The following MRE11 variants were observed in gnomAD, a reference collection of about 807,000 sequenced individuals.
The protein encoded by MRE11 is double-strand break repair protein MRE11.
MRE11 carries 62 observed loss-of-function variants against 91.7 expected under a neutral mutation model. The observed-to-expected ratio is 0.68, with a 90% CI of 0.55 to 0.84. The LOEUF (loss-of-function observed/expected upper bound fraction) is 0.84, where lower values mean the gene tolerates loss of function less well. MRE11 is among the 40% of genes least tolerant of loss of function. The probability of loss-of-function intolerance (pLI) is 0.00; values close to 1 mark genes in which losing one functional copy is unlikely to be tolerated. For synonymous variants in MRE11, 273 were observed against 271.4 expected, an observed-to-expected ratio of 1.01 and a Z score of -0.06; for missense variants, 796 against 852.9, an observed-to-expected ratio of 0.93 and a Z score of 0.83.
chr11:94,476,999 C>T (rs1050144732), intron 6 of MRE11, among the ~76,000 whole-genome samples: 1 of 152,158 alleles, frequency 6.6e-6, no homozygotes, highest in Non-Finnish European at 1.5e-5. Flanking sequence ...AAATTACAGG[C>T]GTGTGCCAGC....
Position 94,467,891 on chromosome 11 carries a change from A to G in MRE11, c.1020T>C (p.Ile340=). The G allele has an allele frequency of 6.2e-7, 1 of 1,613,260 alleles. No individual in the cohort carries two copies. Among genetic ancestry groups the G allele is most frequent in the Non-Finnish European group, 8.5e-7 (1 of 1,179,512 alleles). ...QAIQSFCLEK[I]EEMLENAERE... ...GTTCAGCATTTTCAAGCATTTCTTC[A>G]ATCTCAAAATTTTTAAAAAGATTAA... The change falls in exon 10 of 20, where the codon ATT becomes ATC. Residue 340 remains isoleucine, a splice_region_variant and synonymous_variant. Coordinates refer to ENST00000323929, the MANE Select transcript of MRE11 (RefSeq NM_005591.4).
At chr11:94,474,122 G>A (rs775764741) in intron 7 of MRE11, among the ~76,000 whole-genome samples, 6 of 152,096 alleles carry the variant, frequency 3.9e-5, no homozygotes, top group East Asian at 1.9e-4. Context: ...CACCTAGTAC[G>A]CATTTGTGGA....
At chr11:94,474,446 A>G (rs1946800681) in intron 7 of MRE11, among the ~76,000 whole-genome samples, 1 of 140,148 alleles carries the variant, frequency 7.1e-6, no homozygotes, top group African/African-American at 2.5e-5. Flanking sequence ...TAATGACATA[A>G]ATAAGTAAGT....
chr11:94,474,189 T>C (rs549865458), intron 7 of MRE11, among the ~76,000 whole-genome samples: 1 of 152,262 alleles, frequency 6.6e-6, no homozygotes, highest in East Asian at 1.9e-4. Flanking sequence ...AAATGGTTGA[T>C]TCCAGGGCTA....
intron 12 of MRE11, 142 bp from the exon 13 acceptor site, chr11:94,459,723 C>A (rs1166674453): frequency 1.1e-6 from 1 of 914,636 alleles, no homozygotes; most frequent in Non-Finnish European, 1.6e-6. Flanking sequence ...ATATCAGGAA[C>A]CAGAAAAAGC....
chr11:94,448,933 C>T (rs1946021277), intron 14 of MRE11, among the ~76,000 whole-genome samples: 1 of 152,106 alleles, frequency 6.6e-6, no homozygotes, highest in African/African-American at 2.4e-5. Flanking sequence ...AACACACAAA[C>T]TATAAAGAAG....
At chr11:94,420,245 T>G in intron 19 of MRE11, 64 bp from the exon 20 acceptor site, 2 of 1,323,530 alleles carry the variant, frequency 1.5e-6, no homozygotes, top group South Asian at 2.4e-5. Context: ...AAGACAGAAG[T>G]TCTTATGGGC....
the MRE11 span, among the ~76,000 whole-genome samples, chr11:94,511,196 T>C: frequency 6.6e-6 from 1 of 152,144 alleles, no homozygotes; most frequent in Non-Finnish European, 1.5e-5. Context: ...TATATATAGA[T>C]AGATATAGAT....
chr11:94,505,944 G>C, the MRE11 span, among the ~76,000 whole-genome samples: 1 of 152,170 alleles, frequency 6.6e-6, no homozygotes, highest in African/African-American at 2.4e-5. Flanking sequence ...TGTTCTACAG[G>C]TTTGTAGCCT....
At position 94,463,637 on chromosome 11, in the gene MRE11, T is replaced by C. The variant is rs13447654; in HGVS notation, c.1225+476A>G. 6.8e-3 allele frequency among the ~76,000 whole-genome samples: 1,030 copies of C among 152,272 alleles called. 4 individuals are homozygous for C. Among genetic ancestry groups the C allele is most frequent in the Admixed American group, 0.012 (182 of 15,300 alleles). Reference sequence around the variant, plus strand: ...TGAGTTCATGTCCTTTGTAGGGACATGGATGAAGGTGGAAACCATCATTCT... The same window carrying C: ...TGAGTTCATGTCCTTTGTAGGGACACGGATGAAGGTGGAAACCATCATTCT... On this transcript the variant is annotated intron_variant, in intron 11 of 19. Coordinates refer to ENST00000323929, the MANE Select transcript of MRE11 (RefSeq NM_005591.4).
At chr11:94,490,994 T>C (rs373719420) in intron 2 of MRE11, 29 bp from the exon 3 acceptor site, 1 of 1,219,122 alleles carries the variant, frequency 8.2e-7, no homozygotes, top group Non-Finnish European at 1.2e-6. Context: ...AACATTTCAA[T>C]ATATTAATAA....
chr11:94,458,475 T>A (rs1181356577), intron 13 of MRE11, among the ~76,000 whole-genome samples: 2 of 152,202 alleles, frequency 1.3e-5, no homozygotes, highest in Non-Finnish European at 1.5e-5. Flanking sequence ...AAATTTTATA[T>A]GGTATATGTA....
upstream of MRE11, chr11:94,496,554 TA>T (rs1159878672): frequency 6.5e-6 from 5 of 774,300 alleles, no homozygotes; most frequent in South Asian, 2.0e-5. Context: ...ATGCAGTTGA[TA>T]AAGCCTGAAT....
intron 10 of MRE11, among the ~76,000 whole-genome samples, chr11:94,465,563 T>C (rs1946541046): frequency 6.6e-6 from 1 of 151,954 alleles, no homozygotes; most frequent in Admixed American, 6.6e-5. Flanking sequence ...ACCTGGCTAA[T>C]TTTTTTATTT....
At chr11:94,431,965 A>G (rs968431273) in intron 18 of MRE11, among the ~76,000 whole-genome samples, 33 of 151,248 alleles carry the variant, frequency 2.2e-4, no homozygotes, top group African/African-American at 7.5e-4. Flanking sequence ...CATTTCTGGA[A>G]AAAAAAAAAC....
intron 14 of MRE11, among the ~76,000 whole-genome samples, chr11:94,451,776 T>C (rs905071902): frequency 6.6e-6 from 1 of 152,164 alleles, no homozygotes; most frequent in African/African-American, 2.4e-5. Flanking sequence ...AATAAGCTGA[T>C]GAATAAGTGG....
intron 4 of MRE11, among the ~76,000 whole-genome samples, chr11:94,480,912 C>G (rs1019934645): frequency 1.3e-5 from 2 of 152,210 alleles, no homozygotes; most frequent in Non-Finnish European, 2.9e-5. Flanking sequence ...GGTAACTGTA[C>G]TGTGCACTCA....
chr11:94,428,012 C>A (rs1433929124), intron 19 of MRE11, among the ~76,000 whole-genome samples: 3 of 152,318 alleles, frequency 2.0e-5, no homozygotes, highest in East Asian at 1.9e-4. Flanking sequence ...CTACCAACGT[C>A]ATTTTTCACA....
chr11:94,446,736 G>A (rs1477363320), intron 15 of MRE11, among the ~76,000 whole-genome samples: 1 of 152,120 alleles, frequency 6.6e-6, no homozygotes, highest in Non-Finnish European at 1.5e-5. Context: ...GAATCAAATT[G>A]GGGGGCAGTT....
Sources: allele counts gnomAD v4.1 joint callset (sites outside exome capture counted in the v4.1 genomes callset), GRCh38; gene constraint gnomAD v4.1.1; transcripts MANE v1.5; gene names NCBI Gene and HGNC (gene_info 2026-07-23, HGNC 2026-07-21).